USP20: variants seen among roughly 807,000 people sequenced by gnomAD.
USP20 encodes ubiquitin carboxyl-terminal hydrolase 20.
A neutral mutation model predicts 124.2 loss-of-function variants in USP20; 80 were observed. The ratio of observed to expected loss-of-function variants is 0.64; its 90% CI spans 0.54 to 0.78. The LOEUF (loss-of-function observed/expected upper bound fraction) is 0.78. Ranked by LOEUF, USP20 falls within the 30% of genes least tolerant of loss-of-function variation. The pLI, the probability that USP20 is intolerant of heterozygous loss-of-function variation, is 0.00. For missense variants in USP20, 1,043 were observed against 1,244.4 expected (o/e 0.84, Z 2.44); for synonymous variants, 481 against 512.3 (o/e 0.94, Z 0.83).
chr9:129,853,064 G>A (rs2131051899), intron 3 of USP20, among the ~76,000 whole-genome samples: 1 of 152,178 alleles, frequency 6.6e-6, no homozygotes. Flanking sequence ...TTTTTGAAAA[G>A]GTAATACTTG....
chr9:129,845,488 TGA>T (rs919645166), intron 1 of USP20, among the ~76,000 whole-genome samples: 6 of 152,304 alleles, frequency 3.9e-5, no homozygotes, highest in South Asian at 2.1e-4. Flanking sequence ...CTCTCTCTAG[TGA>T]GAGAGGGGAC....
chr9:129,880,266 C>T lies in USP20; in HGVS notation c.2738C>T (p.Ala913Val), dbSNP rs1205954430. ...GEQKIEAETR[A>V]V is the part of the protein sequence containing the mutation. ...CAGAAGATCGAAGCCGAGACGCGGGCCGTGTGATCTGCTGGGCTAGTCTGT... is the reference window on the plus strand; with the variant it reads ...CAGAAGATCGAAGCCGAGACGCGGGTCGTGTGATCTGCTGGGCTAGTCTGT... The change falls in exon 25 of 26, where the codon GCC becomes GTC. Residue 913 changes from alanine to valine, a missense_variant. Physicochemically the swap from Ala to Val is moderately conservative, Grantham distance 64 (BLOSUM62 0). Coordinates refer to ENST00000372429, the MANE Select transcript of USP20 (RefSeq NM_001110303.4). 5.0e-6 allele frequency: 8 copies of T among 1,596,782 alleles called. No individual in the cohort carries two copies. The African/African-American group carries it at 9.4e-5, about 19-fold the overall frequency.
At chr9:129,855,097 C>A (rs2033142470) in intron 3 of USP20, among the ~76,000 whole-genome samples, 4 of 152,244 alleles carry the variant, frequency 2.6e-5, no homozygotes, top group African/African-American at 9.6e-5. Context: ...GTTGCTGGGC[C>A]CTGCTACAGA....
chr9:129,869,764 T>C lies in USP20; in HGVS notation c.1485T>C (p.Asn495=). The C allele has an allele frequency of 6.2e-7, 1 of 1,614,058 alleles. No homozygotes were observed. Residue 495 remains asparagine (N), a synonymous_variant, in exon 14 of 26, where the codon AAT becomes AAC. Coordinates refer to ENST00000372429, the MANE Select transcript of USP20 (RefSeq NM_001110303.4). ...LAKLHSAIYQ[N]VPAKPGACGD... is the part of the protein sequence containing the mutation. ...AGCTCCATTCAGCCATCTACCAGAATGTGCCGGCCAAGCCAGGCGCCTGTG... is the reference window on the plus strand; with the variant it reads ...AGCTCCATTCAGCCATCTACCAGAACGTGCCGGCCAAGCCAGGCGCCTGTG...
chr9:129,877,840 G>A (rs1374197193), intron 22 of USP20, among the ~76,000 whole-genome samples: 4 of 152,130 alleles, frequency 2.6e-5, no homozygotes, highest in Non-Finnish European at 4.4e-5. Context: ...TTGAGAGGTC[G>A]AGGTGGGCGG....
At chr9:129,862,781 CT>C (rs1298640237) in intron 8 of USP20, among the ~76,000 whole-genome samples, 1 of 151,642 alleles carries the variant, frequency 6.6e-6, no homozygotes, top group Non-Finnish European at 1.5e-5. Context: ...TGGCATGTGC[CT>C]GTAATCCCAG....
chr9:129,869,326 T>G lies in USP20; in HGVS notation c.1293T>G (p.Ala431=). The change falls in exon 13 of 26, where the codon GCT becomes GCG. Residue 431 remains alanine (A), a synonymous_variant. Transcript: ENST00000372429. ...TGTCCCCAGCCCAGGTATTGAGTGC[T>G]GGCAGCCGGAGGCGGAAGGAGCAGC... is the stretch of plus-strand genomic sequence containing the variant. ...YVLKKAQVLS[A]GSRRRKEQRY... is the part of the protein sequence containing the mutation. 1 of 1,613,682 alleles carries G rather than the reference T, an allele frequency of 6.2e-7. No individual in the cohort carries two copies. Among genetic ancestry groups the G allele is most frequent in the Non-Finnish European group, 8.5e-7 (1 of 1,180,000 alleles).
intron 1 of USP20, among the ~76,000 whole-genome samples, chr9:129,844,570 G>T (rs2032421652): frequency 7.1e-6 from 1 of 141,464 alleles, no homozygotes; most frequent in Non-Finnish European, 1.5e-5. Context: ...AGTGTGTTCA[G>T]TCGAGATCGC....
At chr9:129,853,620 G>C (rs1173697290) in intron 3 of USP20, among the ~76,000 whole-genome samples, 1 of 152,240 alleles carries the variant, frequency 6.6e-6, no homozygotes, top group East Asian at 1.9e-4. Flanking sequence ...GCCTGAGCTG[G>C]TTTTGTCATG....
At chr9:129,855,132 T>C (rs2033143860) in intron 3 of USP20, among the ~76,000 whole-genome samples, 1 of 152,070 alleles carries the variant, frequency 6.6e-6, no homozygotes, top group South Asian at 2.1e-4. Flanking sequence ...ATGTGAGCAG[T>C]GTGTAAAGAA....
At chr9:129,852,494 C>G in intron 2 of USP20, 46 bp from the exon 3 acceptor site, 1 of 1,532,268 alleles carries the variant, frequency 6.5e-7, no homozygotes, top group Admixed American at 2.0e-5. Flanking sequence ...CACCTCCTGC[C>G]AACACTGGCT....
intron 1 of USP20, among the ~76,000 whole-genome samples, chr9:129,841,097 T>A (rs1285067250): frequency 6.6e-6 from 1 of 152,192 alleles, no homozygotes; most frequent in Admixed American, 6.5e-5. Context: ...GATGGAATCA[T>A]GTATTTGTTT....
chr9:129,862,577 C>T (rs1378201280), intron 8 of USP20, among the ~76,000 whole-genome samples: 1 of 150,984 alleles, frequency 6.6e-6, no homozygotes, highest in Non-Finnish European at 1.5e-5. Context: ...AAATTGACCG[C>T]ACCCAATCCG....
intron 1 of USP20, among the ~76,000 whole-genome samples, chr9:129,846,807 A>G (rs1401159524): frequency 6.9e-6 from 1 of 144,234 alleles, no homozygotes; most frequent in Non-Finnish European, 1.5e-5. Context: ...TTGTATTTTT[A>G]GTAGAAACGA....
chr9:129,870,522 C>T lies in USP20; in HGVS notation c.1635C>T (p.Ala545=). 14 of 1,614,206 alleles carry T rather than the reference C, an allele frequency of 8.7e-6. No individual in the cohort carries two copies. The highest frequency in any genetic ancestry group is 1.2e-5 in the Non-Finnish European group (14 of 1,180,034). Residue 545 remains alanine (A), a synonymous_variant, in exon 15 of 26, where the codon GCC becomes GCT. Coordinates refer to ENST00000372429, the MANE Select transcript of USP20 (RefSeq NM_001110303.4). ...PVVTLEDCLA[A]FFAADELKGD... ...TCACCCTGGAAGACTGCCTTGCTGC[C>T]TTCTTTGCCGCTGATGAGTTAAAGG...
intron 16 of USP20, 24 bp from the exon 17 acceptor site, chr9:129,873,675 T>TGCTG (rs2034244965): frequency 1.2e-6 from 2 of 1,613,570 alleles, no homozygotes; most frequent in South Asian, 2.2e-5. Flanking sequence ...CGGACACTGA[T>TGCTG]GCTGGCTCGT....
At chr9:129,867,969 C>A (rs922918379) in intron 10 of USP20, 36 bp from the exon 11 acceptor site, 1 of 1,587,088 alleles carries the variant, frequency 6.3e-7, no homozygotes, top group African/African-American at 1.3e-5. Context: ...CCTCCTGCCT[C>A]CAGGGGAGCC....
chr9:129,870,895 C>T (rs774351137), intron 15 of USP20, among the ~76,000 whole-genome samples: 3 of 152,120 alleles, frequency 2.0e-5, no homozygotes, highest in Non-Finnish European at 2.9e-5. Flanking sequence ...TTTATTTAAA[C>T]ATTGCCCATT....
intron 1 of USP20, among the ~76,000 whole-genome samples, chr9:129,840,955 G>A (rs1366996655): frequency 2.0e-5 from 3 of 152,016 alleles, no homozygotes; most frequent in African/African-American, 4.8e-5. Context: ...ATTTTTAGTA[G>A]AGACGGGGTT....
Sources: gnomAD v4.1 joint callset for allele counts (sites outside exome capture counted in the v4.1 genomes callset) on GRCh38, gnomAD v4.1.1 for gene constraint, MANE v1.5 for transcripts, NCBI Gene and HGNC (gene_info 2026-07-23, HGNC 2026-07-21) for gene names.